The following PBX3 variants were observed in gnomAD, a reference collection of about 807,000 sequenced individuals.
PBX3 encodes the protein PBX homeobox 3.
A neutral mutation model predicts 48.5 loss-of-function variants in PBX3; 14 were observed. The ratio of observed to expected loss-of-function variants is 0.29; its 90% CI spans 0.19 to 0.45. The LOEUF is 0.45. Ranked by LOEUF, PBX3 falls within the 20% of genes least tolerant of loss-of-function variation. The pLI is 1.00. For missense variants in PBX3, 386 were observed against 546.7 expected (o/e 0.71, Z 2.93); for synonymous variants, 210 against 200.3 (o/e 1.05, Z -0.41).
chr9:125,836,835 A>G (rs973784754), intron 2 of PBX3, among the ~76,000 whole-genome samples: 2 of 152,220 alleles, frequency 1.3e-5, no homozygotes, highest in African/African-American at 2.4e-5. Context: ...AACTTCCCTG[A>G]GCTACTATTT....
At chr9:125,858,331 T>C (rs1839775366) in intron 2 of PBX3, among the ~76,000 whole-genome samples, 1 of 152,232 alleles carries the variant, frequency 6.6e-6, no homozygotes, top group Admixed American at 6.5e-5. Flanking sequence ...CTCTCGTTTG[T>C]ATATTGTTAT....
chr9:125,780,746 C>T (rs1417593589), intron 2 of PBX3, among the ~76,000 whole-genome samples: 1 of 136,486 alleles, frequency 7.3e-6, no homozygotes, highest in Non-Finnish European at 1.6e-5. Context: ...ACCTCCCTCC[C>T]GGACAGGGCG....
At chr9:125,910,760 A>G (rs1208624592) in intron 2 of PBX3, among the ~76,000 whole-genome samples, 2 of 150,484 alleles carry the variant, frequency 1.3e-5, no homozygotes, top group Non-Finnish European at 3.0e-5. Context: ...ATGGGCAACT[A>G]GATCACCTGC....
rs1841000943 is a variant in PBX3 at position 125,903,593 on chromosome 9, G to A, written c.275-12093G>A. On this transcript the variant is annotated intron_variant, in intron 2 of 8. Transcript: ENST00000373489. Reference sequence around the variant, plus strand: ...GAAATACAAAATTATAGAATTCGATGTTATTCATACAATGGTATTTCTTAT... The same window carrying A: ...GAAATACAAAATTATAGAATTCGATATTATTCATACAATGGTATTTCTTAT... Among the ~76,000 whole-genome samples, 5 of 151,848 alleles carry A rather than the reference G, an allele frequency of 3.3e-5. No individual in the cohort carries two copies. The South Asian group carries it at 1.0e-3, about 32-fold the overall frequency.
At chr9:125,749,306 A>G (rs1836300639) in intron 2 of PBX3, 1 of 152,208 alleles carries the variant, frequency 6.6e-6, no homozygotes, top group South Asian at 2.1e-4. Flanking sequence ...ATATATAAGA[A>G]GATAGGTTTT....
At chr9:125,814,478 C>T (rs542261708) in intron 2 of PBX3, among the ~76,000 whole-genome samples, 2 of 152,120 alleles carry the variant, frequency 1.3e-5, no homozygotes, top group African/African-American at 4.8e-5. Context: ...ATTTAGATCC[C>T]AGGATTTTTA....
At chr9:125,780,046 G>T (rs1168144675) in intron 2 of PBX3, among the ~76,000 whole-genome samples, 2 of 139,570 alleles carry the variant, frequency 1.4e-5, no homozygotes, top group Admixed American at 7.0e-5. Flanking sequence ...CGGACGGGGC[G>T]GCTGGCCGGG....
intron 2 of PBX3, among the ~76,000 whole-genome samples, chr9:125,851,348 C>T (rs1455207985): frequency 2.0e-5 from 3 of 151,934 alleles, no homozygotes; most frequent in Admixed American, 6.6e-5. Flanking sequence ...CTTTGCCATT[C>T]GCAGATTGTG....
intron 8 of PBX3, among the ~76,000 whole-genome samples, 182 bp from the exon 9 acceptor site, chr9:125,965,649 G>C (rs973769249): frequency 1.3e-5 from 2 of 152,162 alleles, no homozygotes; most frequent in African/African-American, 2.4e-5. Context: ...TTGATGGGAT[G>C]GATTTGTTTT....
chr9:125,856,522 G>A (rs1013226513), intron 2 of PBX3, among the ~76,000 whole-genome samples: 2 of 152,184 alleles, frequency 1.3e-5, no homozygotes, highest in African/African-American at 2.4e-5. Flanking sequence ...ACGGAGCGGC[G>A]CCTCGGGCCT....
At chr9:125,828,815 CT>C (rs1564677466) in intron 2 of PBX3, among the ~76,000 whole-genome samples, 1 of 152,196 alleles carries the variant, frequency 6.6e-6, no homozygotes, top group Non-Finnish European at 1.5e-5. Context: ...ATTTGTTTGC[CT>C]TTATTCCTAT....
chr9:125,827,941 G>A (rs1178323971), intron 2 of PBX3, among the ~76,000 whole-genome samples: 1 of 152,104 alleles, frequency 6.6e-6, no homozygotes, highest in Non-Finnish European at 1.5e-5. Context: ...TAATAAGACT[G>A]ATACAGAGGT....
At chr9:125,871,068 A>C (rs756667227) in intron 2 of PBX3, among the ~76,000 whole-genome samples, 1 of 152,204 alleles carries the variant, frequency 6.6e-6, no homozygotes, top group Non-Finnish European at 1.5e-5. Context: ...ACGTGTAAAA[A>C]GTTGTTTAAA....
intron 2 of PBX3, among the ~76,000 whole-genome samples, chr9:125,870,527 T>C (rs1397341102): frequency 2.0e-5 from 3 of 152,120 alleles, no homozygotes; most frequent in Non-Finnish European, 4.4e-5. Context: ...ATGAGACTTA[T>C]TTACTATCAT....
chr9:125,892,044 C>T (rs7024396), intron 2 of PBX3, among the ~76,000 whole-genome samples: 84,010 of 151,978 alleles, frequency 0.55, 25,753 homozygotes, highest in South Asian at 0.69. Context: ...CCCGGCCTCC[C>T]GAGTAGCTGG....
intron 2 of PBX3, among the ~76,000 whole-genome samples, chr9:125,882,289 A>G (rs1840400465): frequency 6.6e-6 from 1 of 152,172 alleles, no homozygotes; most frequent in Non-Finnish European, 1.5e-5. Flanking sequence ...TCAGCAATGA[A>G]AAAGTTTAGA....
Position 125,965,955 on chromosome 9 carries a change from C to A in PBX3, c.*32C>A. The stretch of plus-strand genomic sequence containing the variant: ...GCCACACTTTTCCCTGAGCTACATG[C>A]CTTGATAAGTGCATTCAGAGCAATA... On this transcript the variant is annotated 3_prime_UTR_variant, in exon 9 of 9. Coordinates refer to ENST00000373489, the MANE Select transcript of PBX3 (RefSeq NM_006195.6). 4 of 1,517,850 alleles carry A rather than the reference C, an allele frequency of 2.6e-6. No individual in the cohort carries two copies. Among genetic ancestry groups the A allele is most frequent in the Non-Finnish European group, 3.7e-6 (4 of 1,092,392 alleles). 94.0% of individuals were successfully genotyped at this position (1,517,850 alleles called of 1,614,324 possible).
At chr9:125,872,030 A>G (rs1840136808) in intron 2 of PBX3, among the ~76,000 whole-genome samples, 1 of 152,340 alleles carries the variant, frequency 6.6e-6, no homozygotes, top group Non-Finnish European at 1.5e-5. Context: ...CTGATATTGA[A>G]GAAGTTTATG....
At chr9:125,754,135 T>G (rs980560519) in intron 2 of PBX3, among the ~76,000 whole-genome samples, 1 of 152,118 alleles carries the variant, frequency 6.6e-6, no homozygotes, top group Non-Finnish European at 1.5e-5. Context: ...ATATAAGGTT[T>G]TAGATTATCT....
Sources: allele counts gnomAD v4.1 joint callset (sites outside exome capture counted in the v4.1 genomes callset), GRCh38; gene constraint gnomAD v4.1.1; transcripts MANE v1.5; gene names NCBI Gene and HGNC (gene_info 2026-07-23, HGNC 2026-07-21).